The following RORA variants were observed in gnomAD, a reference collection of about 807,000 sequenced individuals.
The protein encoded by RORA is nuclear receptor ROR-alpha.
RORA carries 7 observed loss-of-function variants against 69.5 expected under a neutral mutation model. That is an observed-to-expected ratio of 0.10 (90% CI 0.06 to 0.19). The LOEUF is 0.19. Ranked by LOEUF, RORA falls within the 10% of genes least tolerant of loss-of-function variation. RORA has a pLI of 1.00. For synonymous variants in RORA, 261 were observed against 240.8 expected, an observed-to-expected ratio of 1.08 and a Z score of -0.78; for missense variants, 457 against 663.0, an observed-to-expected ratio of 0.69 and a Z score of 3.41.
chr15:61,112,587 G>A (rs956666799), intron 1 of RORA, among the ~76,000 whole-genome samples: 7 of 152,318 alleles, frequency 4.6e-5, no homozygotes, highest in South Asian at 2.1e-4. Flanking sequence ...CGTATTTAAC[G>A]CTCTGTGAAG....
intron 1 of RORA, among the ~76,000 whole-genome samples, chr15:60,960,376 G>T (rs866258932): frequency 6.6e-6 from 1 of 152,160 alleles, no homozygotes; most frequent in Admixed American, 6.5e-5. Flanking sequence ...CCTCAAAGGT[G>T]GGGGACTCTC....
intron 1 of RORA, among the ~76,000 whole-genome samples, chr15:60,822,516 A>G (rs2072905909): frequency 6.6e-6 from 1 of 152,224 alleles, no homozygotes; most frequent in African/African-American, 2.4e-5. Flanking sequence ...CAGTTCTTTC[A>G]TATGACAGGT....
chr15:61,136,659 C>T (rs981264929), intron 1 of RORA, among the ~76,000 whole-genome samples: 4 of 152,026 alleles, frequency 2.6e-5, no homozygotes, highest in East Asian at 1.9e-4. Flanking sequence ...TCCTTCAGAA[C>T]GAAGGGTTTC....
intron 1 of RORA, among the ~76,000 whole-genome samples, chr15:61,092,658 C>T (rs1190435439): frequency 6.6e-6 from 1 of 152,232 alleles, no homozygotes; most frequent in African/African-American, 2.4e-5. Context: ...CAACATTCCC[C>T]ATTTACTTAC....
At chr15:61,157,913 G>C (rs2079459258) in intron 1 of RORA, among the ~76,000 whole-genome samples, 1 of 152,178 alleles carries the variant, frequency 6.6e-6, no homozygotes. Context: ...ATGCAAAGCT[G>C]AAGAGAGCAA....
intron 1 of RORA, among the ~76,000 whole-genome samples, chr15:60,695,647 C>T (rs1049829276): frequency 1.4e-4 from 21 of 152,060 alleles, no homozygotes; most frequent in African/African-American, 4.8e-4. Flanking sequence ...CCAATACGGA[C>T]GAAGGTCAGA....
chr15:60,564,850 C>T (rs1386969620), intron 2 of RORA, among the ~76,000 whole-genome samples: 1 of 152,150 alleles, frequency 6.6e-6, no homozygotes, highest in Non-Finnish European at 1.5e-5. Flanking sequence ...ACCCCAATGG[C>T]ACCCGAACGA....
chr15:60,794,955 G>A (rs2072471707), intron 1 of RORA, among the ~76,000 whole-genome samples: 1 of 152,076 alleles, frequency 6.6e-6, no homozygotes, highest in Non-Finnish European at 1.5e-5. Context: ...CCTCAGAGGG[G>A]TTCATTTCAA....
chr15:61,191,793 T>C (rs997772456), intron 1 of RORA, among the ~76,000 whole-genome samples: 3 of 152,218 alleles, frequency 2.0e-5, no homozygotes, highest in Admixed American at 2.0e-4. Context: ...TGATTCTGTG[T>C]CCTCACATTC....
chr15:60,597,617 TACATACATATATATAC>T (rs1567115635), intron 2 of RORA, among the ~76,000 whole-genome samples: 514 of 43,146 alleles, frequency 0.012, 44 homozygotes, highest in African/African-American at 0.021. Flanking sequence ...TATATATATA[TACATACATATATATAC>T]ATATATATAT....
intron 1 of RORA, among the ~76,000 whole-genome samples, chr15:61,071,224 AAGGG>A: frequency 2.3e-5 from 1 of 44,004 alleles, no homozygotes; most frequent in East Asian, 5.6e-4. Flanking sequence ...AGGGGAGGGG[AAGGG>A]AAGGGAGGGG....
intron 1 of RORA, among the ~76,000 whole-genome samples, chr15:60,921,226 T>C (rs921487847): frequency 2.0e-5 from 3 of 152,184 alleles, no homozygotes; most frequent in African/African-American, 4.8e-5. Context: ...TGAGGACATG[T>C]ATAAGAATAT....
chr15:60,668,342 G>C (rs1393393817), intron 2 of RORA, among the ~76,000 whole-genome samples: 5 of 152,168 alleles, frequency 3.3e-5, no homozygotes, highest in African/African-American at 1.2e-4. Context: ...TTAACAAGGA[G>C]GAAAACCCTA....
intron 1 of RORA, among the ~76,000 whole-genome samples, chr15:61,178,005 G>A (rs2079647053): frequency 6.6e-6 from 1 of 151,182 alleles, no homozygotes; most frequent in South Asian, 2.1e-4. Context: ...AGAAAAAGAA[G>A]GAAAGAAGGC....
intron 1 of RORA, among the ~76,000 whole-genome samples, chr15:60,900,778 A>T (rs192584928): frequency 4.1e-4 from 62 of 152,246 alleles, no homozygotes; most frequent in African/African-American, 1.1e-3. Context: ...AGGCTGAGGC[A>T]GGAGAATTGC....
intron 1 of RORA, among the ~76,000 whole-genome samples, chr15:60,851,475 C>T (rs1209105920): frequency 6.6e-6 from 1 of 152,096 alleles, no homozygotes; most frequent in Non-Finnish European, 1.5e-5. Flanking sequence ...CATGTGAGGT[C>T]CCAGGGTGCT....
chr15:60,627,526 G>A (rs2069623466), intron 2 of RORA: 1 of 1,452,076 alleles, frequency 6.9e-7, no homozygotes, highest in Admixed American at 2.5e-5. Flanking sequence ...GAGGCCCTGT[G>A]AATCTGCTGC....
intron 2 of RORA, among the ~76,000 whole-genome samples, chr15:60,644,467 G>A (rs146172258): frequency 6.6e-6 from 1 of 152,282 alleles, no homozygotes; most frequent in East Asian, 1.9e-4. Context: ...TTCATTAGAA[G>A]GGCAACTTCA....
chr15:60,644,152 T>TA (rs1422547114), intron 2 of RORA, among the ~76,000 whole-genome samples: 1 of 152,220 alleles, frequency 6.6e-6, no homozygotes, highest in Non-Finnish European at 1.5e-5. Flanking sequence ...TAACATTTCT[T>TA]ATACAGGCAG....
Sources: allele counts gnomAD v4.1 joint callset (sites outside exome capture counted in the v4.1 genomes callset), GRCh38; gene constraint gnomAD v4.1.1; transcripts MANE v1.5; gene names NCBI Gene and HGNC (gene_info 2026-07-23, HGNC 2026-07-21).